NRXN3: variants seen among roughly 807,000 people sequenced by gnomAD.
NRXN3 encodes the protein neurexin III.
A neutral mutation model predicts 137.6 loss-of-function variants in NRXN3; 32 were observed. That is an observed-to-expected ratio of 0.23 (90% confidence interval 0.18 to 0.31). The LOEUF is 0.31. NRXN3 is among the 10% of genes least tolerant of loss of function. The probability of loss-of-function intolerance (pLI) is 1.00; values close to 1 mark genes in which losing one functional copy is unlikely to be tolerated. For missense variants in NRXN3, 1,574 were observed against 2,062.5 expected, an observed-to-expected ratio of 0.76 and a Z score of 4.59; for synonymous variants, 798 against 784.5, an observed-to-expected ratio of 1.02 and a Z score of -0.29.
At position 79,867,502 on chromosome 14, in the gene NRXN3, G is replaced by C. The variant is rs964205529; in HGVS notation, c.*5538G>C. ...ATGCACTGAGAGATTTCTTTTTCTT[G>C]CTCTTCTTATAAGACCACCAGTGCT... On this transcript the variant is annotated 3_prime_UTR_variant, in exon 21 of 21. Transcript: ENST00000335750. The C allele has an allele frequency of 3.3e-5, 5 of 152,060 alleles. No homozygotes were observed. Among genetic ancestry groups the C allele is most frequent in the Non-Finnish European group, 7.4e-5 (5 of 68,026 alleles). The allele number at this position is 152,060 out of a possible 1,614,324, so 9.4% of individuals were successfully genotyped here. A position where few individuals can be genotyped will look rare whatever the true frequency, so the allele number is the denominator to read the frequency against.
intron 4 of NRXN3, among the ~76,000 whole-genome samples, chr14:78,610,806 A>G (rs1000366032): frequency 6.6e-6 from 1 of 152,180 alleles, no homozygotes; most frequent in Non-Finnish European, 1.5e-5. Context: ...AGAAATCTAC[A>G]ATTACTCGGA....
chr14:79,858,871 C>A lies in NRXN3; in HGVS notation c.4094-2471C>A, dbSNP rs191832427. Among the ~76,000 whole-genome samples, 14 of 151,742 alleles carry A rather than the reference C, an allele frequency of 9.2e-5. No individual in the cohort carries two copies. The East Asian group carries it at 2.5e-3, about 27-fold the overall frequency. ...CAGAGTTAGTTTTAGGACTGGCTTA[C>A]CTTTAGGGAACTGCACTCCAAATCC... On this transcript the variant is annotated intron_variant, in intron 20 of 20. Transcript: ENST00000335750.
At chr14:78,783,550 A>G (rs570277997) in intron 8 of NRXN3, among the ~76,000 whole-genome samples, 7 of 152,340 alleles carry the variant, frequency 4.6e-5, no homozygotes, top group Non-Finnish European at 8.8e-5. Context: ...TATATTTGCT[A>G]TGATTGATAA....
At chr14:79,165,912 C>T (rs1019137226) in intron 15 of NRXN3, among the ~76,000 whole-genome samples, 3 of 151,934 alleles carry the variant, frequency 2.0e-5, no homozygotes, top group Non-Finnish European at 2.9e-5. Context: ...CACAACACCA[C>T]GAGCTTTTGA....
intron 8 of NRXN3, among the ~76,000 whole-genome samples, chr14:78,741,319 A>G (rs546156824): frequency 3.3e-5 from 5 of 152,298 alleles, no homozygotes; most frequent in African/African-American, 1.2e-4. Context: ...ATGGAAGCGA[A>G]GAACGAAGTG....
intron 4 of NRXN3, among the ~76,000 whole-genome samples, chr14:78,567,133 G>A (rs866818138): frequency 6.6e-6 from 1 of 152,158 alleles, no homozygotes; most frequent in Non-Finnish European, 1.5e-5. Flanking sequence ...ACCAAAAGAA[G>A]TTGGGTCTTG....
rs2097566170 is a variant in NRXN3, at chr14:78,636,295, A to G, written c.758-8825A>G. 2.0e-5 allele frequency among the ~76,000 whole-genome samples: 3 copies of G among 152,152 alleles called. No individual in the cohort carries two copies. The South Asian group carries it at 6.2e-4, about 32-fold the overall frequency. ...CTCAGCAACAGTTAGAAGAGCCAGA[A>G]AACTGCAGGCCTTCTTCCATAAGGG... On this transcript the variant is annotated intron_variant, in intron 4 of 20. Transcript: ENST00000335750.
intron 6 of NRXN3, among the ~76,000 whole-genome samples, chr14:78,681,793 C>T (rs563738933): frequency 8.7e-4 from 133 of 152,246 alleles, no homozygotes; most frequent in Non-Finnish European, 1.6e-3. Context: ...AGAAGCCACT[C>T]TGGGGAAAAG....
intron 15 of NRXN3, among the ~76,000 whole-genome samples, chr14:79,400,793 A>G (rs1181331075): frequency 6.6e-6 from 1 of 152,312 alleles, no homozygotes; most frequent in African/African-American, 2.4e-5. Flanking sequence ...TCATTAAACC[A>G]TTAAAGATTG....
At chr14:78,537,569 C>T (rs1025804637) in intron 4 of NRXN3, among the ~76,000 whole-genome samples, 1 of 152,194 alleles carries the variant, frequency 6.6e-6, no homozygotes, top group Non-Finnish European at 1.5e-5. Context: ...TGCTTGTTCA[C>T]TCTGATAGTA....
chr14:78,948,666 G>A (rs982002667), intron 10 of NRXN3, among the ~76,000 whole-genome samples: 5 of 129,088 alleles, frequency 3.9e-5, no homozygotes, highest in Non-Finnish European at 7.9e-5. Flanking sequence ...TTATTAATAG[G>A]TTCTGTATGC....
At chr14:79,304,704 A>C (rs1374924222) in intron 15 of NRXN3, among the ~76,000 whole-genome samples, 1 of 152,094 alleles carries the variant, frequency 6.6e-6, no homozygotes, top group East Asian at 1.9e-4. Context: ...GAAATAGCTC[A>C]AGTTAAGTTC....
At chr14:79,445,306 C>T (rs979675631) in intron 15 of NRXN3, among the ~76,000 whole-genome samples, 29 of 150,818 alleles carry the variant, frequency 1.9e-4, no homozygotes, top group Admixed American at 1.8e-3. Context: ...CGCCACTGCA[C>T]TCCAGCCTGG....
intron 4 of NRXN3, among the ~76,000 whole-genome samples, chr14:78,324,522 T>C (rs2153562340): frequency 6.6e-6 from 1 of 152,222 alleles, no homozygotes; most frequent in South Asian, 2.1e-4. Context: ...CTTCATTCAT[T>C]CTGAAGTATA....
chr14:78,452,813 C>T (rs2094582444), intron 4 of NRXN3, among the ~76,000 whole-genome samples: 1 of 152,156 alleles, frequency 6.6e-6, no homozygotes. Flanking sequence ...TACAGCTAGC[C>T]TTCTAGAGAG....
At chr14:78,232,015 C>T (rs907713270) in intron 1 of NRXN3, among the ~76,000 whole-genome samples, 2 of 152,266 alleles carry the variant, frequency 1.3e-5, no homozygotes, top group African/African-American at 4.8e-5. Context: ...GCCTTCACCC[C>T]CATTGTAACC....
At chr14:78,727,918 GTCAGCTGACAC>G (rs563679679) in intron 8 of NRXN3, among the ~76,000 whole-genome samples, 238 of 152,310 alleles carry the variant, frequency 1.6e-3, no homozygotes, top group Non-Finnish European at 2.5e-3. Flanking sequence ...TTTGACGAGT[GTCAGCTGACAC>G]AAAATCATTG....
chr14:78,289,326 C>T (rs1427833310), intron 3 of NRXN3, among the ~76,000 whole-genome samples: 2 of 152,132 alleles, frequency 1.3e-5, no homozygotes, highest in African/African-American at 4.8e-5. Flanking sequence ...GGGTAGCATT[C>T]TCAGGGGATT....
At chr14:79,213,723 G>T (rs973220477) in intron 15 of NRXN3, among the ~76,000 whole-genome samples, 2 of 151,948 alleles carry the variant, frequency 1.3e-5, no homozygotes, top group African/African-American at 4.8e-5. Flanking sequence ...ATCTTCCTAA[G>T]ATAGAACTCC....
Sources: allele counts gnomAD v4.1 joint callset (sites outside exome capture counted in the v4.1 genomes callset), GRCh38; gene constraint gnomAD v4.1.1; transcripts MANE v1.5; gene names NCBI Gene and HGNC (gene_info 2026-07-23, HGNC 2026-07-21).